DLGAP2: variants seen among roughly 807,000 people sequenced by gnomAD.
The protein encoded by DLGAP2 is disks large-associated protein 2.
DLGAP2 carries 26 observed loss-of-function variants against 100.3 expected under a neutral mutation model. The observed-to-expected ratio is 0.26, with a 90% CI of 0.19 to 0.36. The LOEUF is 0.36. Ranked by LOEUF, DLGAP2 falls within the 10% of genes least tolerant of loss-of-function variation. DLGAP2 has a pLI of 1.00. For synonymous variants in DLGAP2, 886 were observed against 630.1 expected, an observed-to-expected ratio of 1.41 and a Z score of -6.08; for missense variants, 1,858 against 1,453.2, an observed-to-expected ratio of 1.28 and a Z score of -4.53.
rs531779817 is a variant in DLGAP2 at position 913,304 on chromosome 8, T to C, written c.73+5338T>C. ...TAGGAAAGGTTCTGTTTGATAATTG[T>C]AAATCCCCTAGATTTCTTGGGAGCT... On this transcript the variant is annotated intron_variant, in intron 2 of 14. Transcript: ENST00000637795. Among the ~76,000 whole-genome samples the C allele has an allele frequency of 1.8e-4, 27 of 152,356 alleles. No homozygotes were observed. The South Asian group carries it at 5.2e-3, about 29-fold the overall frequency.
chr8:969,964 C>T (rs1372259156), intron 2 of DLGAP2, among the ~76,000 whole-genome samples: 1 of 152,124 alleles, frequency 6.6e-6, no homozygotes, highest in African/African-American at 2.4e-5. Context: ...TTATCTGATT[C>T]AGCAAAAAAT....
intron 6 of DLGAP2, among the ~76,000 whole-genome samples, chr8:1,610,120 T>C (rs924304817): frequency 4.6e-4 from 70 of 151,920 alleles, no homozygotes; most frequent in Non-Finnish European, 6.8e-4. Flanking sequence ...TATTCCAAAA[T>C]TGACCACATA....
At chr8:1,023,036 C>T (rs1383680598) in intron 2 of DLGAP2, among the ~76,000 whole-genome samples, 4 of 152,226 alleles carry the variant, frequency 2.6e-5, no homozygotes, top group South Asian at 2.1e-4. Context: ...AGGAGCATTG[C>T]GATCTGCAGA....
At chr8:1,121,683 C>T (rs1408129945) in intron 2 of DLGAP2, among the ~76,000 whole-genome samples, 1 of 152,076 alleles carries the variant, frequency 6.6e-6, no homozygotes, top group Middle Eastern at 3.4e-3. Context: ...GACCACCCAA[C>T]CTCATCTTTC....
At chr8:1,490,361 T>C (rs1008993139) in intron 3 of DLGAP2, among the ~76,000 whole-genome samples, 2 of 152,214 alleles carry the variant, frequency 1.3e-5, no homozygotes, top group South Asian at 4.1e-4. Flanking sequence ...GAAGCCAATC[T>C]CAGGCATCCA....
chr8:1,335,451 A>C (rs1175591647), intron 3 of DLGAP2, among the ~76,000 whole-genome samples: 1 of 152,210 alleles, frequency 6.6e-6, no homozygotes, highest in Non-Finnish European at 1.5e-5. Context: ...ACCCAAAACC[A>C]AACGGGACAG....
chr8:1,343,832 G>C (rs957846887), intron 3 of DLGAP2, among the ~76,000 whole-genome samples: 1 of 152,102 alleles, frequency 6.6e-6, no homozygotes, highest in Non-Finnish European at 1.5e-5. Flanking sequence ...GTCCACCCGT[G>C]ACAGAGCAGA....
At chr8:1,074,036 A>G (rs1042796863) in intron 2 of DLGAP2, among the ~76,000 whole-genome samples, 2 of 144,194 alleles carry the variant, frequency 1.4e-5, no homozygotes, top group African/African-American at 5.6e-5. Context: ...ACCCAGGTAC[A>G]TATTCAGGAT....
intron 1 of DLGAP2, among the ~76,000 whole-genome samples, chr8:758,379 A>T (rs1483171379): frequency 6.6e-6 from 1 of 152,134 alleles, no homozygotes; most frequent in Non-Finnish European, 1.5e-5. Flanking sequence ...GTATTTAAAA[A>T]CTTAAAAATG....
intron 1 of DLGAP2, among the ~76,000 whole-genome samples, chr8:814,631 A>G (rs1232856851): frequency 6.6e-6 from 1 of 151,800 alleles, no homozygotes; most frequent in East Asian, 1.9e-4. Context: ...GTGGATCACG[A>G]GGTCAGGAGA....
At chr8:1,406,572 G>T (rs1209338337) in intron 3 of DLGAP2, among the ~76,000 whole-genome samples, 2 of 27,894 alleles carry the variant, frequency 7.2e-5, no homozygotes, top group African/African-American at 2.7e-4. Flanking sequence ...TGTATTGAGT[G>T]CTTACTGAGC....
At chr8:1,330,133 G>A (rs1327009008) in intron 3 of DLGAP2, among the ~76,000 whole-genome samples, 1 of 152,200 alleles carries the variant, frequency 6.6e-6, no homozygotes, top group Non-Finnish European at 1.5e-5. Flanking sequence ...GTGTGGCTGT[G>A]GGAGTGAGGA....
At chr8:1,304,597 C>T (rs1206587362) in intron 3 of DLGAP2, among the ~76,000 whole-genome samples, 1 of 152,100 alleles carries the variant, frequency 6.6e-6, no homozygotes, top group Non-Finnish European at 1.5e-5. Context: ...AAGATGAGTA[C>T]AATTGTTCTT....
intron 1 of DLGAP2, among the ~76,000 whole-genome samples, chr8:787,467 T>A (rs145156856): frequency 1.3e-5 from 2 of 152,210 alleles, no homozygotes; most frequent in Non-Finnish European, 2.9e-5. Context: ...TCCACGCCTG[T>A]GCCTGTTTTG....
intron 14 of DLGAP2, among the ~76,000 whole-genome samples, chr8:1,697,995 G>A (rs1479960098): frequency 2.0e-5 from 3 of 152,334 alleles, no homozygotes; most frequent in Non-Finnish European, 2.9e-5. Context: ...GATTTTTCTA[G>A]ACAAATGTTA....
chr8:1,256,522 C>CACAGGGACA (rs1799222731), intron 2 of DLGAP2, among the ~76,000 whole-genome samples: 2 of 119,250 alleles, frequency 1.7e-5, no homozygotes, highest in Middle Eastern at 6.0e-3. Context: ...TGTGTGTGTG[C>CACAGGGACA]CCGTCTCATC....
rs1799661669 is a variant in DLGAP2, at chr8:1,704,787, C to T, written c.*3381C>T. 6.6e-6 allele frequency: 1 copy of T among 151,528 alleles called. No homozygotes were observed. The highest frequency in any genetic ancestry group is 1.5e-5 in the Non-Finnish European group (1 of 67,970). 9.4% of individuals were successfully genotyped at this position (151,528 alleles called of 1,614,324 possible). On this transcript the variant is annotated 3_prime_UTR_variant, in exon 15 of 15. Coordinates refer to ENST00000637795, the MANE Select transcript of DLGAP2 (RefSeq NM_001346810.2). The stretch of plus-strand genomic sequence containing the variant: ...TGGTTTTAAAAGAAAAAAAAAAAGC[C>T]TACAAACTCAGTGACCTACTACGCA...
At chr8:1,187,152 A>C (rs980054317) in intron 2 of DLGAP2, among the ~76,000 whole-genome samples, 1 of 152,236 alleles carries the variant, frequency 6.6e-6, no homozygotes, top group African/African-American at 2.4e-5. Context: ...ATTGACTGCA[A>C]TTTAACAATG....
chr8:1,485,912 T>A (rs896012328), intron 3 of DLGAP2, among the ~76,000 whole-genome samples: 2 of 152,078 alleles, frequency 1.3e-5, no homozygotes, highest in Non-Finnish European at 2.9e-5. Context: ...TCGTCCCAGC[T>A]ACTCAGGAGG....
Sources: allele counts gnomAD v4.1 joint callset (sites outside exome capture counted in the v4.1 genomes callset), GRCh38; gene constraint gnomAD v4.1.1; transcripts MANE v1.5; gene names NCBI Gene and HGNC (gene_info 2026-07-23, HGNC 2026-07-21).